RBFOX1: variants seen among roughly 807,000 people sequenced by gnomAD.
RBFOX1 encodes RNA binding protein fox-1 homolog 1.
RBFOX1 carries 8 observed loss-of-function variants against 57.7 expected under a neutral mutation model. That is an observed-to-expected ratio of 0.14 (90% CI 0.08 to 0.25). The LOEUF (loss-of-function observed/expected upper bound fraction) is 0.25, where lower values mean the gene tolerates loss of function less well. RBFOX1 is among the 10% of genes least tolerant of loss of function. The pLI is 1.00. For missense variants in RBFOX1, 611 were observed against 548.5 expected (o/e 1.11, Z -1.14); for synonymous variants, 326 against 222.4 (o/e 1.47, Z -4.15).
At chr16:6,854,176 T>C (rs558724956) in intron 3 of RBFOX1, among the ~76,000 whole-genome samples, 1 of 152,294 alleles carries the variant, frequency 6.6e-6, no homozygotes, top group South Asian at 2.1e-4. Flanking sequence ...TTAGTTTCAA[T>C]AACGGTTTCT....
chr16:7,251,053 C>G (rs1353636393), intron 4 of RBFOX1, among the ~76,000 whole-genome samples: 1 of 152,112 alleles, frequency 6.6e-6, no homozygotes, highest in African/African-American at 2.4e-5. Context: ...TTTTCAAGAA[C>G]ATGATACATG....
chr16:6,196,231 G>A (rs112976932), intron 1 of RBFOX1, among the ~76,000 whole-genome samples: 3 of 152,182 alleles, frequency 2.0e-5, no homozygotes, highest in Non-Finnish European at 4.4e-5. Context: ...GCTACCAGGA[G>A]TTTGAATTCA....
intron 3 of RBFOX1, among the ~76,000 whole-genome samples, chr16:5,767,162 G>C (rs1445963512): frequency 1.3e-5 from 2 of 152,182 alleles, no homozygotes; most frequent in African/African-American, 2.4e-5. Context: ...CCCAATCACA[G>C]GTTAAGGGTG....
At chr16:7,602,846 G>T (rs2095108994) in intron 9 of RBFOX1, among the ~76,000 whole-genome samples, 1 of 152,126 alleles carries the variant, frequency 6.6e-6, no homozygotes, top group African/African-American at 2.4e-5. Context: ...CACCAAACAA[G>T]TCTCAACAAA....
At chr16:7,544,683 G>A (rs1428452389) in intron 5 of RBFOX1, among the ~76,000 whole-genome samples, 2 of 152,152 alleles carry the variant, frequency 1.3e-5, no homozygotes, top group African/African-American at 4.8e-5. Context: ...TCTGGCCTCT[G>A]GAACTGTGAG....
chr16:5,896,949 A>C (rs527368693), intron 4 of RBFOX1, among the ~76,000 whole-genome samples: 1 of 147,010 alleles, frequency 6.8e-6, no homozygotes, highest in Non-Finnish European at 1.5e-5. Flanking sequence ...TTTGAAAGCT[A>C]CGTTACCCCC....
At chr16:6,805,264 T>A (rs1322940036) in intron 3 of RBFOX1, among the ~76,000 whole-genome samples, 2 of 152,132 alleles carry the variant, frequency 1.3e-5, no homozygotes, top group African/African-American at 4.8e-5. Flanking sequence ...TTGAGGCCAT[T>A]TTCCTTAGCA....
At chr16:6,713,518 C>T (rs887863) in intron 3 of RBFOX1, among the ~76,000 whole-genome samples, 78,482 of 151,684 alleles carry the variant, frequency 0.52, 21,990 homozygotes, top group Middle Eastern at 0.76. Context: ...GGCCTCTACC[C>T]ACTAGATGCA....
At chr16:6,968,745 C>T (rs1381838587) in intron 3 of RBFOX1, among the ~76,000 whole-genome samples, 1 of 152,138 alleles carries the variant, frequency 6.6e-6, no homozygotes, top group Non-Finnish European at 1.5e-5. Context: ...CCCTCCTCTC[C>T]CTCCTCTTTG....
chr16:7,619,852 A>G (rs1477726970), intron 10 of RBFOX1, among the ~76,000 whole-genome samples: 1 of 152,166 alleles, frequency 6.6e-6, no homozygotes, highest in Admixed American at 6.5e-5. Context: ...GCCAAATTGG[A>G]GGAGCTGTGT....
At chr16:6,390,425 A>G (rs767369887) in intron 2 of RBFOX1, among the ~76,000 whole-genome samples, 5 of 152,112 alleles carry the variant, frequency 3.3e-5, no homozygotes, top group Admixed American at 6.5e-5. Flanking sequence ...GCAGGTATCA[A>G]TTTTTTAAAA....
intron 4 of RBFOX1, among the ~76,000 whole-genome samples, chr16:7,087,906 C>G (rs886859527): frequency 1.3e-5 from 2 of 152,112 alleles, no homozygotes; most frequent in African/African-American, 4.8e-5. Context: ...TTCTCTCTCT[C>G]TCTCGCTCTC....
intron 4 of RBFOX1, among the ~76,000 whole-genome samples, chr16:7,067,355 C>G (rs9930633): frequency 0.66 from 100,757 of 151,554 alleles, 34,072 homozygotes; most frequent in South Asian, 0.74. Context: ...TTCTGCAGTT[C>G]TTTAGGTCAG....
chr16:6,043,196 A>C (rs2095459158), intron 1 of RBFOX1, among the ~76,000 whole-genome samples: 1 of 145,044 alleles, frequency 6.9e-6, no homozygotes, highest in African/African-American at 2.5e-5. Context: ...ACATCTTGTT[A>C]CGTAGGTTAA....
At chr16:6,071,872 T>A (rs1428503961) in intron 1 of RBFOX1, among the ~76,000 whole-genome samples, 1 of 152,242 alleles carries the variant, frequency 6.6e-6, no homozygotes, top group East Asian at 1.9e-4. Context: ...TTCACTAGAA[T>A]AATGTCCTCC....
At chr16:5,321,863 C>T (rs562835464) in intron 1 of RBFOX1, among the ~76,000 whole-genome samples, 2 of 152,222 alleles carry the variant, frequency 1.3e-5, no homozygotes, top group East Asian at 3.9e-4. Context: ...TCCAAGGTGA[C>T]CTCTGTAGCA....
intron 3 of RBFOX1, among the ~76,000 whole-genome samples, chr16:5,638,946 C>G (rs765307529): frequency 3.3e-5 from 5 of 152,180 alleles, no homozygotes; most frequent in Non-Finnish European, 7.3e-5. Flanking sequence ...TCTGTGATTC[C>G]TACAGAAATG....
intron 3 of RBFOX1, among the ~76,000 whole-genome samples, chr16:5,743,864 A>G (rs2052872345): frequency 1.3e-5 from 2 of 152,192 alleles, no homozygotes; most frequent in African/African-American, 2.4e-5. Context: ...TTTTAGGCAC[A>G]TAACACGGTA....
chr16:6,866,373 G>C (rs956751135), intron 3 of RBFOX1, among the ~76,000 whole-genome samples: 11 of 151,546 alleles, frequency 7.3e-5, no homozygotes, highest in African/African-American at 2.4e-4. Context: ...CTGTTGATGG[G>C]TCTAATAAAG....
Sources: gnomAD v4.1 joint callset for allele counts (sites outside exome capture counted in the v4.1 genomes callset) on GRCh38, gnomAD v4.1.1 for gene constraint, MANE v1.5 for transcripts, NCBI Gene and HGNC (gene_info 2026-07-23, HGNC 2026-07-21) for gene names.